JAKMIP3: variants seen among roughly 807,000 people sequenced by gnomAD.
The protein encoded by JAKMIP3 is Janus kinase and microtubule interacting protein 3.
JAKMIP3 carries 58 observed loss-of-function variants against 118.5 expected under a neutral mutation model. The ratio of observed to expected loss-of-function variants is 0.49; its 90% CI spans 0.40 to 0.61. The LOEUF is 0.61. JAKMIP3 is among the 20% of genes least tolerant of loss of function. The probability of loss-of-function intolerance (pLI) is 0.00; values close to 1 mark genes in which losing one functional copy is unlikely to be tolerated. For missense variants in JAKMIP3, 950 were observed against 1,109.0 expected, an observed-to-expected ratio of 0.86 and a Z score of 2.04; for synonymous variants, 486 against 451.2, an observed-to-expected ratio of 1.08 and a Z score of -0.98.
intron 1 of JAKMIP3, among the ~76,000 whole-genome samples, chr10:132,092,071 A>ATTTCC (rs369189877): frequency 6.7e-6 from 1 of 150,134 alleles, no homozygotes. Context: ...GTTGAAAATT[A>ATTTCC]TTTAAGAATG....
intron 1 of JAKMIP3, among the ~76,000 whole-genome samples, chr10:132,054,594 C>T (rs1182464754): frequency 6.6e-6 from 1 of 152,214 alleles, no homozygotes; most frequent in East Asian, 1.9e-4. Context: ...TCTGCTAGGG[C>T]TGGTGCCAAG....
At chr10:132,055,287 A>C (rs1216665601) in intron 1 of JAKMIP3, among the ~76,000 whole-genome samples, 2 of 152,202 alleles carry the variant, frequency 1.3e-5, no homozygotes, top group African/African-American at 4.8e-5. Flanking sequence ...AGACTGAAGC[A>C]GATTTCAAAT....
chr10:132,157,668 T>G (rs1489726065), intron 19 of JAKMIP3, among the ~76,000 whole-genome samples: 4 of 152,216 alleles, frequency 2.6e-5, no homozygotes, highest in Admixed American at 2.0e-4. Context: ...CATGTTTCTA[T>G]GCAACTCCAC....
intron 4 of JAKMIP3, 30 bp from the exon 5 acceptor site, chr10:132,135,011 A>G: frequency 6.2e-7 from 1 of 1,609,064 alleles, no homozygotes; most frequent in Non-Finnish European, 8.5e-7. Context: ...GTGGGTAGGA[A>G]CCGTTATTTG....
chr10:132,106,707 T>G (rs11146185), intron 2 of JAKMIP3, among the ~76,000 whole-genome samples: 19,212 of 152,174 alleles, frequency 0.13, 1,595 homozygotes, highest in Non-Finnish European at 0.19. Flanking sequence ...AAGGTCAGGG[T>G]GCTAATGCCC....
intron 1 of JAKMIP3, among the ~76,000 whole-genome samples, chr10:132,097,686 A>G (rs1301426478): frequency 1.3e-5 from 2 of 151,162 alleles, no homozygotes; most frequent in Non-Finnish European, 2.9e-5. Flanking sequence ...GGGAAAGGGG[A>G]TGTGCGGCAT....
chr10:132,038,664 T>C (rs12241224), intron 1 of JAKMIP3, among the ~76,000 whole-genome samples: 2,682 of 151,930 alleles, frequency 0.018, 78 homozygotes, highest in African/African-American at 0.061. Flanking sequence ...GGGCATGGTG[T>C]GCCTGTAATC....
intron 1 of JAKMIP3, among the ~76,000 whole-genome samples, chr10:132,087,922 T>G (rs867407931): frequency 6.6e-6 from 1 of 152,120 alleles, no homozygotes; most frequent in Admixed American, 6.6e-5. Flanking sequence ...GTGTTCTCAT[T>G]GTTCAATTCC....
intron 1 of JAKMIP3, among the ~76,000 whole-genome samples, chr10:132,052,949 C>A (rs2038140811): frequency 6.6e-6 from 1 of 152,174 alleles, no homozygotes. Flanking sequence ...CTGTATTTGT[C>A]AATTCTAATG....
chr10:132,087,017 G>A (rs1470795111), intron 1 of JAKMIP3, among the ~76,000 whole-genome samples: 1 of 152,188 alleles, frequency 6.6e-6, no homozygotes, highest in Non-Finnish European at 1.5e-5. Flanking sequence ...TTTGTTTCAA[G>A]ATTTAGAGCT....
chr10:132,137,399 C>A, intron 8 of JAKMIP3, 110 bp downstream of exon 8: 1 of 1,377,900 alleles, frequency 7.3e-7, no homozygotes, highest in Non-Finnish European at 1.0e-6. Context: ...GCGGCCGCGG[C>A]AGCCTTTCGG....
intron 3 of JAKMIP3, 69 bp from the exon 4 acceptor site, chr10:132,133,243 G>A (rs117235382): frequency 0.02 from 26,152 of 1,323,136 alleles, 398 homozygotes; most frequent in Non-Finnish European, 0.021. Flanking sequence ...GCAGGGCTGC[G>A]CCCGTTTCTA....
chr10:132,150,556 A>G (rs1228819985), intron 16 of JAKMIP3, among the ~76,000 whole-genome samples: 2 of 152,148 alleles, frequency 1.3e-5, no homozygotes, highest in Non-Finnish European at 2.9e-5. Context: ...CCATCCATTT[A>G]TTCCCCATCA....
chr10:132,058,462 C>T (rs1266675026), intron 1 of JAKMIP3, among the ~76,000 whole-genome samples: 1 of 152,228 alleles, frequency 6.6e-6, no homozygotes, highest in South Asian at 2.1e-4. Context: ...GAGGAGGAGC[C>T]TGTCCTCCCC....
chr10:132,064,607 G>C (rs2038563584), upstream of JAKMIP3, among the ~76,000 whole-genome samples: 1 of 152,210 alleles, frequency 6.6e-6, no homozygotes, highest in South Asian at 2.1e-4. This position sits in a 1 kb window ranked among gnomAD's most constrained non-coding sequence, Gnocchi z 4.4. Flanking sequence ...GTGACATAGA[G>C]GCAGCGATGG....
intron 14 of JAKMIP3, among the ~76,000 whole-genome samples, chr10:132,148,362 T>C (rs2055076150): frequency 6.6e-6 from 1 of 152,106 alleles, no homozygotes; most frequent in African/African-American, 2.4e-5. Flanking sequence ...CTCAGTGTCA[T>C]GCAGGGAAAA....
chr10:132,142,609 G>A (rs914881914), intron 11 of JAKMIP3, among the ~76,000 whole-genome samples: 3 of 152,164 alleles, frequency 2.0e-5, no homozygotes, highest in African/African-American at 4.8e-5. Flanking sequence ...TGTGGCTGGC[G>A]GGTGCCCTCT....
At position 132,117,468 on chromosome 10, in the gene JAKMIP3, T is replaced by C; in HGVS notation, c.527T>C (p.Ile176Thr). The stretch of plus-strand genomic sequence containing the variant: ...GTGGAGGAGGCGCTGACGCTGGTGA[T>C]CCAAGCGGACAAGATCAAGGCCGCA... ...RQVEEALTLV[I>T]QADKIKAAEI... Residue 176 changes from isoleucine (I) to threonine (T), a missense_variant, in exon 3 of 24, where the codon ATC becomes ACC. Coordinates refer to ENST00000684848, the MANE Select transcript of JAKMIP3 (RefSeq NM_001323087.2). The surrounding 1 kb of genome is among the most constrained non-coding windows in gnomAD (Gnocchi z 8.6). The C allele has an allele frequency of 1.2e-6, 2 of 1,613,764 alleles. No individual in the cohort carries two copies. The highest frequency in any genetic ancestry group is 1.7e-6 in the Non-Finnish European group (2 of 1,179,864).
intron 3 of JAKMIP3, among the ~76,000 whole-genome samples, chr10:132,132,011 A>G (rs1037636548): frequency 7.9e-5 from 12 of 152,230 alleles, no homozygotes; most frequent in African/African-American, 2.9e-4. Context: ...TGTAAATGCC[A>G]GGCCGCAGGC....
Sources: gnomAD v4.1 joint callset for allele counts (sites outside exome capture counted in the v4.1 genomes callset) on GRCh38, gnomAD v4.1.1 for gene constraint, Gnocchi (gnomAD v3.1) non-coding constraint, MANE v1.5 for transcripts, NCBI Gene and HGNC (gene_info 2026-07-23, HGNC 2026-07-21) for gene names.